Variants in CADM2 observed in about 807,000 individuals in gnomAD.
CADM2 encodes cell adhesion molecule 2.
Under a neutral mutation model 49.8 loss-of-function variants are expected in CADM2, and 12 were observed. The ratio of observed to expected loss-of-function variants is 0.24; its 90% CI spans 0.15 to 0.39. The LOEUF is 0.39. Among genes scored for constraint, CADM2 ranks in the 10% least tolerant of loss-of-function variants. CADM2 has a pLI of 1.00. For missense variants in CADM2, 378 were observed against 492.3 expected (o/e 0.77, Z 2.20); for synonymous variants, 214 against 175.4 (o/e 1.22, Z -1.74).
chr3:85,323,070 CT>C (rs749485339), intron 1 of CADM2, among the ~76,000 whole-genome samples: 2 of 152,052 alleles, frequency 1.3e-5, no homozygotes, highest in Admixed American at 6.6e-5. Flanking sequence ...AAACTGTTTT[CT>C]TTTTTTCCGT....
chr3:85,641,772 A>C (rs548058736), intron 1 of CADM2, among the ~76,000 whole-genome samples: 84 of 61,888 alleles, frequency 1.4e-3, no homozygotes, highest in South Asian at 2.9e-3. Flanking sequence ...TAAAAATACA[A>C]AAAAAAAAAA....
intron 3 of CADM2, among the ~76,000 whole-genome samples, chr3:85,877,684 G>GTTTTTTTTTTTTTTTTTTTTTGTT (rs368101272): frequency 8.0e-5 from 9 of 112,024 alleles, no homozygotes; most frequent in Admixed American, 2.0e-4. Flanking sequence ...TTTTTCTTCT[G>GTTTTTTTTTTTTTTTTTTTTTGTT]TTTTTTTTTT....
chr3:85,421,897 C>G (rs2036189546), intron 1 of CADM2, among the ~76,000 whole-genome samples: 1 of 152,202 alleles, frequency 6.6e-6, no homozygotes, highest in Admixed American at 6.5e-5. Context: ...TATTTCTTGA[C>G]ATTTTCTGTT....
In CADM2 at chr3:85,372,433, A is replaced by ATG. The variant is rs148950753; in HGVS notation, c.62-354087_62-354086dup. Among the ~76,000 whole-genome samples the ATG allele has an allele frequency of 9.9e-5, 13 of 131,286 alleles. No individual in the cohort carries two copies. In the South Asian group the frequency reaches 1.4e-3, roughly 14 times the overall value. The allele number at this position is 131,286 out of a possible 152,430, so 86.1% of individuals were successfully genotyped here. ...TATATATGTATATATGTGTGTATAT[A>ATG]TGTATATATGTGTATATATGTATAT... On this transcript the variant is annotated intron_variant, in intron 1 of 9. Coordinates refer to ENST00000383699, the MANE Select transcript of CADM2 (RefSeq NM_001167675.2).
At chr3:85,235,491 G>T (rs1376564484) in intron 1 of CADM2, among the ~76,000 whole-genome samples, 1 of 151,958 alleles carries the variant, frequency 6.6e-6, no homozygotes, top group African/African-American at 2.4e-5. Context: ...AGAATTAATT[G>T]GTAGAGTTAC....
chr3:85,791,462 C>A (rs181140720), intron 2 of CADM2, among the ~76,000 whole-genome samples: 1 of 143,564 alleles, frequency 7.0e-6, no homozygotes, highest in East Asian at 2.3e-4. Context: ...GACACAGGTT[C>A]TTTGTATAAA....
intron 1 of CADM2, among the ~76,000 whole-genome samples, chr3:85,350,003 A>G (rs577105711): frequency 1.2e-4 from 18 of 152,334 alleles, no homozygotes; most frequent in Admixed American, 5.9e-4. Context: ...GGAAGACTCT[A>G]TAATGAACAA....
At chr3:85,408,112 A>T (rs996940724) in intron 1 of CADM2, among the ~76,000 whole-genome samples, 6 of 152,058 alleles carry the variant, frequency 3.9e-5, no homozygotes, top group African/African-American at 1.4e-4. Context: ...TGAAACTGAA[A>T]TATTGAAGTA....
chr3:85,124,446 T>C (rs1278123774), intron 1 of CADM2, among the ~76,000 whole-genome samples: 1 of 151,996 alleles, frequency 6.6e-6, no homozygotes, highest in African/African-American at 2.4e-5. Flanking sequence ...CTACCAATTT[T>C]TTTTTTTAAT....
intron 1 of CADM2, among the ~76,000 whole-genome samples, chr3:85,527,865 C>A (rs1397070980): frequency 6.6e-6 from 1 of 152,142 alleles, no homozygotes; most frequent in Non-Finnish European, 1.5e-5. Flanking sequence ...TGCATTTTTT[C>A]TCCAAAGAGT....
At chr3:85,022,292 G>T (rs1006327362) in intron 1 of CADM2, among the ~76,000 whole-genome samples, 12 of 152,138 alleles carry the variant, frequency 7.9e-5, no homozygotes, top group Non-Finnish European at 1.8e-4. Context: ...GATTGTTTGA[G>T]TTTATGCTTG....
In CADM2 at chr3:85,260,534, T is replaced by C. The variant is rs2042993101; in HGVS notation, c.61+300866T>C. ...TTTGTAAGTAATTGTAGCTGTTGTG[T>C]TGTGTCTAAAATGCACCTGTCACAT... is the stretch of plus-strand genomic sequence containing the variant. On this transcript the variant is annotated intron_variant, in intron 1 of 9. Transcript: ENST00000383699. Among the ~76,000 whole-genome samples the C allele has an allele frequency of 2.6e-5, 4 of 152,138 alleles. 1 individual carries two copies. Among genetic ancestry groups the C allele is most frequent in the Non-Finnish European group, 5.9e-5 (4 of 68,022 alleles).
At chr3:85,217,044 A>T (rs1008250215) in intron 1 of CADM2, among the ~76,000 whole-genome samples, 1 of 151,960 alleles carries the variant, frequency 6.6e-6, no homozygotes, top group Non-Finnish European at 1.5e-5. Flanking sequence ...ATTAAGATTC[A>T]CTAATGAACT....
At chr3:85,123,097 C>T (rs2038919505) in intron 1 of CADM2, among the ~76,000 whole-genome samples, 1 of 152,054 alleles carries the variant, frequency 6.6e-6, no homozygotes, top group Admixed American at 6.5e-5. Context: ...GATTCCCATG[C>T]TTTTTTCCTA....
chr3:85,287,635 A>G (rs1331144426), intron 1 of CADM2, among the ~76,000 whole-genome samples: 2 of 152,134 alleles, frequency 1.3e-5, no homozygotes, highest in Non-Finnish European at 2.9e-5. Flanking sequence ...ATATGCATGG[A>G]CTTAATGTTT....
At chr3:85,645,629 A>C (rs1228155592) in intron 1 of CADM2, among the ~76,000 whole-genome samples, 1 of 152,022 alleles carries the variant, frequency 6.6e-6, no homozygotes, top group African/African-American at 2.4e-5. Flanking sequence ...TACCACAATT[A>C]TTTTTATTAA....
At chr3:85,270,671 C>T (rs190109157) in intron 1 of CADM2, among the ~76,000 whole-genome samples, 2 of 151,080 alleles carry the variant, frequency 1.3e-5, no homozygotes, top group Admixed American at 6.6e-5. Flanking sequence ...CTAATGTAAA[C>T]CTAGCAAGCA....
At chr3:85,996,407 C>T (rs1460224136) in intron 8 of CADM2, among the ~76,000 whole-genome samples, 1 of 150,446 alleles carries the variant, frequency 6.6e-6, no homozygotes, top group African/African-American at 2.4e-5. Flanking sequence ...AAGTGATTCT[C>T]CTGCCTTAGC....
chr3:85,741,858 A>G (rs961179580), intron 2 of CADM2, among the ~76,000 whole-genome samples: 1 of 152,212 alleles, frequency 6.6e-6, no homozygotes, highest in African/African-American at 2.4e-5. Context: ...TCTATACTTC[A>G]CAGAGACTAT....
Sources: allele counts gnomAD v4.1 joint callset (sites outside exome capture counted in the v4.1 genomes callset), GRCh38; gene constraint gnomAD v4.1.1; transcripts MANE v1.5; gene names NCBI Gene and HGNC (gene_info 2026-07-23, HGNC 2026-07-21).